Variants in ARHGAP25 observed in about 807,000 individuals in gnomAD.
The protein encoded by ARHGAP25 is Rho GTPase activating protein 25.
In ARHGAP25, 34 loss-of-function variants were observed where a neutral mutation model predicts 71.0. That is an observed-to-expected ratio of 0.48 (90% CI 0.36 to 0.64). The LOEUF (loss-of-function observed/expected upper bound fraction) is 0.64, where lower values mean the gene tolerates loss of function less well. ARHGAP25 is among the 30% of genes least tolerant of loss of function. The probability of loss-of-function intolerance (pLI) is 0.00; values close to 1 mark genes in which losing one functional copy is unlikely to be tolerated. For synonymous variants in ARHGAP25, 282 were observed against 296.5 expected (o/e 0.95, Z 0.50); for missense variants, 706 against 805.1 (o/e 0.88, Z 1.49).
At chr2:68,823,040 A>C (rs914352829) in intron 10 of ARHGAP25, among the ~76,000 whole-genome samples, 168 bp downstream of exon 10, 11 of 152,374 alleles carry the variant, frequency 7.2e-5, no homozygotes, top group Middle Eastern at 3.4e-3. Context: ...TGAGATAGCT[A>C]AATTGGTGAA....
chr2:68,769,511 T>C (rs1180981691), intron 1 of ARHGAP25, among the ~76,000 whole-genome samples: 1 of 152,178 alleles, frequency 6.6e-6, no homozygotes, highest in East Asian at 1.9e-4. Context: ...TCCTTCTCTC[T>C]GTTAGGCACT....
At chr2:68,766,580 C>A (rs1384828021) in intron 1 of ARHGAP25, among the ~76,000 whole-genome samples, 1 of 152,224 alleles carries the variant, frequency 6.6e-6, no homozygotes, top group East Asian at 1.9e-4. Context: ...AGGGGTGGCC[C>A]TGGAGAGGCA....
At chr2:68,773,077 G>A (rs749849361) in intron 1 of ARHGAP25, among the ~76,000 whole-genome samples, 10 of 152,178 alleles carry the variant, frequency 6.6e-5, no homozygotes, top group Non-Finnish European at 1.5e-4. Context: ...CCAGGTATAA[G>A]GGCATATTAT....
At chr2:68,731,773 T>C (rs1285889286), upstream of ARHGAP25, among the ~76,000 whole-genome samples, 1 of 152,132 alleles carries the variant, frequency 6.6e-6, no homozygotes, top group African/African-American at 2.4e-5. Flanking sequence ...CCAGGAACCC[T>C]TCCTTCACTC....
intron 1 of ARHGAP25, among the ~76,000 whole-genome samples, chr2:68,742,691 C>G (rs1675583571): frequency 6.6e-6 from 1 of 152,164 alleles, no homozygotes; most frequent in Non-Finnish European, 1.5e-5. Flanking sequence ...TGGTGAAAAC[C>G]ACAGCCAGCA....
chr2:68,715,882 A>G (rs758318064), intron 2 of ARHGAP25, among the ~76,000 whole-genome samples: 14 of 152,350 alleles, frequency 9.2e-5, no homozygotes, highest in Non-Finnish European at 1.6e-4. Flanking sequence ...AGGCTGGGCC[A>G]TAAAAGCCAC....
At chr2:68,786,403 G>A (rs1410826147) in intron 3 of ARHGAP25, among the ~76,000 whole-genome samples, 1 of 152,216 alleles carries the variant, frequency 6.6e-6, no homozygotes, top group East Asian at 1.9e-4. Flanking sequence ...CTTGCCCTGT[G>A]TTTGGCAGCA....
intron 2 of ARHGAP25, among the ~76,000 whole-genome samples, chr2:68,713,968 A>G (rs564711482): frequency 9.2e-4 from 140 of 152,270 alleles, no homozygotes; most frequent in African/African-American, 3.2e-3. Flanking sequence ...TGTCTCTGCC[A>G]GGTTTTGGTA....
chr2:68,753,254 A>G (rs777771775), intron 1 of ARHGAP25, among the ~76,000 whole-genome samples: 23 of 152,256 alleles, frequency 1.5e-4, no homozygotes, highest in Non-Finnish European at 2.9e-4. Flanking sequence ...TCATATAGTA[A>G]CACAGCAAGT....
intron 1 of ARHGAP25, among the ~76,000 whole-genome samples, chr2:68,740,707 A>T (rs1193485072): frequency 4.6e-5 from 7 of 152,238 alleles, no homozygotes; most frequent in Non-Finnish European, 5.9e-5. Flanking sequence ...TTTAGATAAG[A>T]GCCATGAACA....
chr2:68,721,807 ATTAC>A (rs1213987724), intron 2 of ARHGAP25, among the ~76,000 whole-genome samples: 1 of 152,200 alleles, frequency 6.6e-6, no homozygotes, highest in East Asian at 1.9e-4. Flanking sequence ...TCGACAGAGG[ATTAC>A]AAATTTGCCT....
chr2:68,802,088 A>G (rs979356207), intron 4 of ARHGAP25, among the ~76,000 whole-genome samples: 3 of 152,176 alleles, frequency 2.0e-5, no homozygotes, highest in Admixed American at 6.5e-5. Context: ...CAGTGGGAAT[A>G]GGGAGCTTGT....
In ARHGAP25 at chr2:68,758,524, T is replaced by C. The variant is rs555558140; in HGVS notation, c.62-16697T>C. ...CTACAAGAAACAAAGAAAAACATTA[T>C]ACATTAATAGATTGCTCAGTACAAT... On this transcript the variant is annotated intron_variant, in intron 1 of 10. Transcript: ENST00000409202. Among the ~76,000 whole-genome samples, 132 of 152,002 alleles carry C rather than the reference T, an allele frequency of 8.7e-4. 2 individuals carry two copies. Among genetic ancestry groups the C allele is most frequent in the Middle Eastern group, 3.4e-3 (1 of 294 alleles).
rs897768758 is a variant in ARHGAP25 at position 68,775,471 on chromosome 2, T to C, written c.261+51T>C. 1.9e-6 allele frequency: 3 copies of C among 1,610,946 alleles called. No homozygotes were observed. The African/African-American group carries it at 4.0e-5, about 22-fold the overall frequency. The stretch of plus-strand genomic sequence containing the variant: ...TCATAAGGCACGGAGGAGGCGGGCC[T>C]GGAGCCCGCTGGGATTTCACTTAAA... On this transcript the variant is annotated intron_variant, in intron 2 of 10. Transcript: ENST00000409202.
chr2:68,781,850 C>G (rs139199055), intron 2 of ARHGAP25, among the ~76,000 whole-genome samples: 1 of 152,156 alleles, frequency 6.6e-6, no homozygotes, highest in Non-Finnish European at 1.5e-5. Flanking sequence ...CTCCCTGAAC[C>G]CCTCTGGCAG....
intron 1 of ARHGAP25, among the ~76,000 whole-genome samples, chr2:68,754,500 G>C (rs1456199444): frequency 6.6e-6 from 1 of 152,196 alleles, no homozygotes; most frequent in Non-Finnish European, 1.5e-5. Context: ...AAGATATTGG[G>C]ATTGTCTCTA....
chr2:68,720,903 G>A (rs1674747220), intron 2 of ARHGAP25, among the ~76,000 whole-genome samples: 1 of 152,136 alleles, frequency 6.6e-6, no homozygotes, highest in Non-Finnish European at 1.5e-5. Context: ...CCCTCAGCAT[G>A]TCACCATGCA....
intron 1 of ARHGAP25, among the ~76,000 whole-genome samples, chr2:68,761,414 C>G (rs11903288): frequency 6.6e-6 from 1 of 151,672 alleles, no homozygotes. Flanking sequence ...TAAAAAATTA[C>G]GTATCAAAAG....
intron 2 of ARHGAP25, among the ~76,000 whole-genome samples, chr2:68,781,354 C>T (rs1275924454): frequency 1.3e-5 from 2 of 152,042 alleles, no homozygotes; most frequent in Non-Finnish European, 2.9e-5. Context: ...CACGCCACTG[C>T]ACTCCAGCCT....
Sources: gnomAD v4.1 joint callset for allele counts (sites outside exome capture counted in the v4.1 genomes callset) on GRCh38, gnomAD v4.1.1 for gene constraint, MANE v1.5 for transcripts, NCBI Gene and HGNC (gene_info 2026-07-23, HGNC 2026-07-21) for gene names.